VPS54: variants seen among roughly 807,000 people sequenced by gnomAD.
VPS54 encodes the protein vacuolar protein sorting-associated protein 54.
A neutral mutation model predicts 121.5 loss-of-function variants in VPS54; 45 were observed. The ratio of observed to expected loss-of-function variants is 0.37; its 90% CI spans 0.29 to 0.47. VPS54 has a LOEUF of 0.47. Ranked by LOEUF, VPS54 falls within the 20% of genes least tolerant of loss-of-function variation. The pLI is 0.99. For synonymous variants in VPS54, 371 were observed against 385.8 expected, an observed-to-expected ratio of 0.96 and a Z score of 0.45; for missense variants, 1,090 against 1,131.4, an observed-to-expected ratio of 0.96 and a Z score of 0.52.
chr2:63,983,325 G>A (rs1325730234), intron 2 of VPS54, among the ~76,000 whole-genome samples: 1 of 151,712 alleles, frequency 6.6e-6, no homozygotes, highest in African/African-American at 2.4e-5. Context: ...TAGAGATGGG[G>A]TTTCACCATG....
chr2:63,967,862 T>C (rs574493882), intron 5 of VPS54, among the ~76,000 whole-genome samples: 1 of 152,028 alleles, frequency 6.6e-6, no homozygotes, highest in African/African-American at 2.4e-5. Flanking sequence ...AACAAGAAAG[T>C]ACCCATGTAA....
intron 1 of VPS54, among the ~76,000 whole-genome samples, chr2:64,003,089 A>G (rs1239353846): frequency 2.6e-5 from 4 of 152,242 alleles, no homozygotes; most frequent in African/African-American, 4.8e-5. Context: ...TTGAAAGGCT[A>G]AAGAACAAAA....
In VPS54 at chr2:63,892,876, CTG is replaced by C. The variant is rs1183931077; in HGVS notation, c.*552_*553del. The C allele has an allele frequency of 4.6e-5, 7 of 153,218 alleles. No individual in the cohort carries two copies. Among genetic ancestry groups the C allele is most frequent in the African/African-American group, 1.7e-4 (7 of 41,516 alleles). The allele number at this position is 153,218 out of a possible 1,614,324, so 9.5% of individuals were successfully genotyped here. A position where few individuals can be genotyped will look rare whatever the true frequency, so the allele number is the denominator to read the frequency against. ...AAAGCCTGCAACTTGACATTGGTCA[CTG>C]AAACAAAAATTGAATTCCTAAATCC... On this transcript the variant is annotated 3_prime_UTR_variant, in exon 23 of 23. Transcript: ENST00000272322.
intron 5 of VPS54, 150 bp from the exon 6 acceptor site, chr2:63,966,116 T>C (rs1675983133): frequency 4.0e-6 from 3 of 745,716 alleles, no homozygotes; most frequent in Non-Finnish European, 4.3e-6. Context: ...TTTACACAAA[T>C]ATCTATAAGA....
intron 14 of VPS54, 62 bp from the exon 15 acceptor site, chr2:63,920,057 T>G: frequency 7.0e-7 from 1 of 1,421,576 alleles, no homozygotes; most frequent in Non-Finnish European, 9.6e-7. Flanking sequence ...CTTCCTTGGT[T>G]TAAAAGAAAA....
At chr2:63,900,765 G>GT (rs202189162) in intron 20 of VPS54, among the ~76,000 whole-genome samples, 4,371 of 151,508 alleles carry the variant, frequency 0.029, 80 homozygotes, top group Non-Finnish European at 0.038. Context: ...TTTTTTGTTT[G>GT]TTTTTTTTGA....
chr2:63,903,950 T>G (rs1159586119), intron 20 of VPS54, among the ~76,000 whole-genome samples: 1 of 151,994 alleles, frequency 6.6e-6, no homozygotes, highest in Non-Finnish European at 1.5e-5. Flanking sequence ...AGACAGTAAT[T>G]GTCAGACTAA....
chr2:63,937,037 T>C (rs879936941), intron 11 of VPS54, among the ~76,000 whole-genome samples: 1 of 152,058 alleles, frequency 6.6e-6, no homozygotes, highest in Non-Finnish European at 1.5e-5. Flanking sequence ...TCTAAAAATA[T>C]AAAATTCTTA....
At chr2:63,946,325 A>G (rs1674976182) in intron 9 of VPS54, among the ~76,000 whole-genome samples, 1 of 152,132 alleles carries the variant, frequency 6.6e-6, no homozygotes, top group Non-Finnish European at 1.5e-5. Flanking sequence ...TAAAATTACA[A>G]ATAGTACTGC....
At chr2:63,905,512 A>ATT (rs146236100) in intron 20 of VPS54, among the ~76,000 whole-genome samples, 1 of 149,768 alleles carries the variant, frequency 6.7e-6, no homozygotes, top group South Asian at 2.1e-4. Context: ...TTCTATATGT[A>ATT]TTTTTTTTTT....
intron 20 of VPS54, among the ~76,000 whole-genome samples, chr2:63,902,159 T>TG (rs1456186812): frequency 1.3e-5 from 2 of 152,148 alleles, no homozygotes. Flanking sequence ...CTACCTAAGA[T>TG]GGAGACCAGA....
At chr2:63,966,151 C>G (rs182792785) in intron 5 of VPS54, among the ~76,000 whole-genome samples, 185 bp from the exon 6 acceptor site, 1 of 152,080 alleles carries the variant, frequency 6.6e-6, no homozygotes, top group Non-Finnish European at 1.5e-5. Flanking sequence ...TCTCACCAAG[C>G]TTAAAATACT....
intron 1 of VPS54, among the ~76,000 whole-genome samples, chr2:63,985,660 T>A (rs1677014586): frequency 6.8e-6 from 1 of 147,322 alleles, no homozygotes; most frequent in Admixed American, 6.9e-5. Flanking sequence ...ATGTTTACAC[T>A]GGGAAGAAGT....
intron 5 of VPS54, among the ~76,000 whole-genome samples, 170 bp from the exon 6 acceptor site, chr2:63,966,136 A>G (rs1285733342): frequency 6.6e-6 from 1 of 152,228 alleles, no homozygotes; most frequent in Non-Finnish European, 1.5e-5. Flanking sequence ...AAAAATGTGT[A>G]AATTTCTCAC....
At chr2:64,003,371 A>G (rs542009744) in intron 1 of VPS54, among the ~76,000 whole-genome samples, 1 of 152,334 alleles carries the variant, frequency 6.6e-6, no homozygotes, top group African/African-American at 2.4e-5. Context: ...TTGTATGAAT[A>G]CTATGTTCAA....
chr2:63,970,206 T>TAC lies in VPS54; in HGVS notation c.458-1216_458-1215insGT, dbSNP rs764067102. ...AGTTCTTTCCCATTAAAAAAAAATA[T>TAC]ATATATACACACACACACACACACA... is the stretch of plus-strand genomic sequence containing the variant. On this transcript the variant is annotated intron_variant, in intron 4 of 22. Transcript: ENST00000272322. 1.9e-3 allele frequency among the ~76,000 whole-genome samples: 94 copies of TAC among 50,502 alleles called. 1 individual carries two copies. Among genetic ancestry groups the TAC allele is most frequent in the Non-Finnish European group, 1.5e-3 (36 of 23,298 alleles). 33.1% of individuals were successfully genotyped at this position (50,502 alleles called of 152,430 possible).
At chr2:63,941,635 T>C (rs1674735898) in intron 11 of VPS54, among the ~76,000 whole-genome samples, 1 of 152,336 alleles carries the variant, frequency 6.6e-6, no homozygotes, top group Non-Finnish European at 1.5e-5. Context: ...TTTGTTATAC[T>C]AAGTGGTTTA....
chr2:63,948,951 T>C, intron 8 of VPS54, 86 bp downstream of exon 8: 1 of 1,507,500 alleles, frequency 6.6e-7, no homozygotes, highest in Non-Finnish European at 8.9e-7. Context: ...AAGATAATTT[T>C]GATTCCTATA....
intron 7 of VPS54, among the ~76,000 whole-genome samples, chr2:63,960,387 T>C (rs1675700794): frequency 6.6e-6 from 1 of 152,240 alleles, no homozygotes; most frequent in Non-Finnish European, 1.5e-5. Flanking sequence ...AAATTTTTAT[T>C]CTGTAACCCA....
Sources: gnomAD v4.1 joint callset for allele counts (sites outside exome capture counted in the v4.1 genomes callset) on GRCh38, gnomAD v4.1.1 for gene constraint, MANE v1.5 for transcripts, NCBI Gene and HGNC (gene_info 2026-07-23, HGNC 2026-07-21) for gene names.